The following GLB1L2 variants were observed in gnomAD, a reference collection of about 807,000 sequenced individuals.
The protein encoded by GLB1L2 is beta-galactosidase-1-like protein 2.
In GLB1L2, 68 loss-of-function variants were observed where a neutral mutation model predicts 84.1. The ratio of observed to expected loss-of-function variants is 0.81; its 90% CI spans 0.67 to 0.99. The LOEUF is 0.99. Ranked by LOEUF, GLB1L2 falls within the 50% of genes least tolerant of loss-of-function variation. The probability of loss-of-function intolerance (pLI) is 0.00; values close to 1 mark genes in which losing one functional copy is unlikely to be tolerated. For missense variants in GLB1L2, 762 were observed against 805.6 expected (o/e 0.95, Z 0.66); for synonymous variants, 290 against 318.0 (o/e 0.91, Z 0.94).
chr11:134,345,878 G>T (rs193270053), intron 4 of GLB1L2, among the ~76,000 whole-genome samples: 1 of 152,214 alleles, frequency 6.6e-6, no homozygotes, highest in East Asian at 1.9e-4. Flanking sequence ...TTCCTATCTC[G>T]GCCCACGTGT....
At chr11:134,333,344 T>C (rs1305104137) in intron 1 of GLB1L2, among the ~76,000 whole-genome samples, 1 of 152,200 alleles carries the variant, frequency 6.6e-6, no homozygotes, top group East Asian at 1.9e-4. Flanking sequence ...TCTCTGAAGA[T>C]TGGCCCTGGC....
Position 134,332,002 on chromosome 11 carries a change from G to C in GLB1L2, c.-60G>C. 8.2e-7 allele frequency: 1 copy of C among 1,225,978 alleles called. No homozygotes were observed. The highest frequency in any genetic ancestry group is 1.4e-5 in the South Asian group (1 of 71,522). 75.9% of individuals were successfully genotyped at this position (1,225,978 alleles called of 1,614,324 possible). On this transcript the variant is annotated 5_prime_UTR_variant, in exon 1 of 19. Transcript: ENST00000535456. ...CTCCGCCCCCCGCGGCGAGGCTCCC[G>C]CGCGCGGCTGAGTGCGGACTGGAGT...
At chr11:134,373,677 C>A (rs762603997) in intron 15 of GLB1L2, 44 bp from the exon 16 acceptor site, 3 of 1,356,004 alleles carry the variant, frequency 2.2e-6, no homozygotes, top group Non-Finnish European at 3.1e-6. Flanking sequence ...GCTGACTCGG[C>A]CCCTGCCTTT....
At chr11:134,349,470 C>G (rs1342114759) in intron 5 of GLB1L2, among the ~76,000 whole-genome samples, 1 of 152,206 alleles carries the variant, frequency 6.6e-6, no homozygotes, top group Non-Finnish European at 1.5e-5. Flanking sequence ...AGTGAAATTG[C>G]TGGATCAACT....
At chr11:134,373,064 G>A (rs994637186) in intron 15 of GLB1L2, among the ~76,000 whole-genome samples, 15 of 152,278 alleles carry the variant, frequency 9.9e-5, no homozygotes, top group Middle Eastern at 6.8e-3. Flanking sequence ...TGAGAAATGC[G>A]CGTGCCCACA....
intron 5 of GLB1L2, among the ~76,000 whole-genome samples, chr11:134,351,905 T>G (rs1403106587): frequency 6.6e-6 from 1 of 152,170 alleles, no homozygotes; most frequent in Admixed American, 6.5e-5. Context: ...AGGGAAAAAT[T>G]AAGAAATTCC....
chr11:134,368,832 C>T (rs1188678693), intron 10 of GLB1L2, 51 bp downstream of exon 10: 1 of 1,598,652 alleles, frequency 6.3e-7, no homozygotes, highest in Non-Finnish European at 8.5e-7. Context: ...ATGGGCATGG[C>T]TGGGACTTGC....
Position 134,338,412 on chromosome 11 carries a change from T to TC in GLB1L2, c.87-4338dup, listed in dbSNP as rs1347645693. Reference sequence around the variant, plus strand: ...CCTCCCACCCAGCCGCCCTGCAAGATCCCCTCTGAAACTTGACAGCCAGTC... The same window carrying TC: ...CCTCCCACCCAGCCGCCCTGCAAGATCCCCCTCTGAAACTTGACAGCCAGTC... On this transcript the variant is annotated intron_variant, in intron 1 of 18. Transcript: ENST00000535456. This position sits in a 1 kb window ranked among gnomAD's most constrained non-coding sequence, Gnocchi z 6.2. Among the ~76,000 whole-genome samples the TC allele has an allele frequency of 6.6e-6, 1 of 152,080 alleles. No homozygotes were observed. Among genetic ancestry groups the TC allele is most frequent in the Non-Finnish European group, 1.5e-5 (1 of 67,998 alleles).
intron 10 of GLB1L2, among the ~76,000 whole-genome samples, chr11:134,369,593 G>T (rs1436774629): frequency 6.6e-6 from 1 of 152,256 alleles, no homozygotes; most frequent in African/African-American, 2.4e-5. Flanking sequence ...GGGATTGCAG[G>T]TGTGAGCCGC....
At position 134,370,867 on chromosome 11, in the gene GLB1L2, A is replaced by G. The variant is rs1379268939; in HGVS notation, c.1216-141A>G. 1.1e-6 allele frequency: 1 copy of G among 905,812 alleles called. No homozygotes were observed. Among genetic ancestry groups the G allele is most frequent in the Non-Finnish European group, 1.7e-6 (1 of 581,570 alleles). The allele number at this position is 905,812 out of a possible 1,614,324, so 56.1% of individuals were successfully genotyped here. ...CTTCCCCGTCACCCTGGAGAGTTGT[A>G]TGTTTAGTGCAATGAGAAGTCAAAG... On this transcript the variant is annotated intron_variant, in intron 12 of 18. Transcript: ENST00000535456. This position sits in a 1 kb window ranked among gnomAD's most constrained non-coding sequence, Gnocchi z 4.7.
At chr11:134,365,850 C>T (rs576094868) in intron 8 of GLB1L2, among the ~76,000 whole-genome samples, 7 of 152,270 alleles carry the variant, frequency 4.6e-5, no homozygotes, top group South Asian at 4.1e-4. Flanking sequence ...TGGCGATGTC[C>T]GATAGCACCT....
chr11:134,355,773 T>C (rs754723817), intron 5 of GLB1L2, among the ~76,000 whole-genome samples: 3 of 152,258 alleles, frequency 2.0e-5, no homozygotes, highest in Admixed American at 1.3e-4. Context: ...CCAAACTATG[T>C]TGACGATTCC....
chr11:134,358,982 A>G, intron 6 of GLB1L2, 78 bp from the exon 7 acceptor site: 2 of 984,898 alleles, frequency 2.0e-6, no homozygotes, highest in Non-Finnish European at 3.0e-6. Context: ...TCTTCAGGCT[A>G]CCCAACTGCA....
intron 5 of GLB1L2, among the ~76,000 whole-genome samples, chr11:134,352,763 T>C (rs1943651051): frequency 6.6e-6 from 1 of 151,704 alleles, no homozygotes; most frequent in Admixed American, 6.6e-5. Flanking sequence ...TTCTCATTAC[T>C]CACCCTCCCA....
At position 134,349,991 on chromosome 11, in the gene GLB1L2, T is replaced by G. The variant is rs114890205; in HGVS notation, c.558+2558T>G. 2.1e-3 allele frequency among the ~76,000 whole-genome samples: 322 copies of G among 152,286 alleles called. 1 individual carries two copies. Among genetic ancestry groups the G allele is most frequent in the Middle Eastern group, 0.01 (3 of 294 alleles). On this transcript the variant is annotated intron_variant, in intron 5 of 18. Transcript: ENST00000535456. ...TACTGTGGTTGAGCTGGATCCAAGA[T>G]GCAAGACAAAGTCCTCTTTACTCTT...
chr11:134,369,281 T>C (rs1943907468), intron 10 of GLB1L2, among the ~76,000 whole-genome samples: 1 of 152,192 alleles, frequency 6.6e-6, no homozygotes, highest in Non-Finnish European at 1.5e-5. Flanking sequence ...CAGCCTCAAA[T>C]ACCTGGGCTC....
intron 1 of GLB1L2, among the ~76,000 whole-genome samples, chr11:134,336,458 A>G (rs1943389566): frequency 6.6e-6 from 1 of 152,222 alleles, no homozygotes; most frequent in Non-Finnish European, 1.5e-5. Flanking sequence ...CATTAGACAC[A>G]TAATTTATTT....
chr11:134,358,953 TG>T, intron 6 of GLB1L2, 106 bp from the exon 7 acceptor site: 1 of 744,910 alleles, frequency 1.3e-6, no homozygotes, highest in Non-Finnish European at 2.2e-6. Context: ...ACGCTTTATT[TG>T]TCATCTCTCC....
At chr11:134,362,815 T>C (rs1943814183) in intron 7 of GLB1L2, among the ~76,000 whole-genome samples, 1 of 152,136 alleles carries the variant, frequency 6.6e-6, no homozygotes, top group African/African-American at 2.4e-5. Flanking sequence ...CAGGGCATCC[T>C]CCCATCTCAT....
Sources: allele counts gnomAD v4.1 joint callset (sites outside exome capture counted in the v4.1 genomes callset), GRCh38; gene constraint gnomAD v4.1.1; non-coding constraint Gnocchi (gnomAD v3.1); transcripts MANE v1.5; gene names NCBI Gene and HGNC (gene_info 2026-07-23, HGNC 2026-07-21).